LRRTM4: variants seen among roughly 807,000 people sequenced by gnomAD.
LRRTM4 encodes leucine rich repeat transmembrane neuronal 4.
In LRRTM4, 25 loss-of-function variants were observed where a neutral mutation model predicts 47.6. That is an observed-to-expected ratio of 0.53 (90% CI 0.38 to 0.73). The LOEUF (loss-of-function observed/expected upper bound fraction) is 0.73. Among genes scored for constraint, LRRTM4 ranks in the 30% least tolerant of loss-of-function variants. The pLI is 0.00. For missense variants in LRRTM4, 638 were observed against 713.4 expected (o/e 0.89, Z 1.20); for synonymous variants, 311 against 269.5 (o/e 1.15, Z -1.51).
At chr2:77,332,202 T>G (rs906477660) in intron 3 of LRRTM4, among the ~76,000 whole-genome samples, 1 of 152,100 alleles carries the variant, frequency 6.6e-6, no homozygotes, top group Non-Finnish European at 1.5e-5. Context: ...CAACTTTTTT[T>G]AGGTTTACTT....
chr2:76,878,505 T>C (rs1255536895), intron 3 of LRRTM4, among the ~76,000 whole-genome samples: 1 of 147,486 alleles, frequency 6.8e-6, no homozygotes, highest in Non-Finnish European at 1.5e-5. Context: ...CAGTTGCAAA[T>C]GGAAAAAAAA....
intron 3 of LRRTM4, among the ~76,000 whole-genome samples, chr2:76,943,420 G>A (rs1008251450): frequency 6.6e-6 from 1 of 152,116 alleles, no homozygotes; most frequent in East Asian, 1.9e-4. Flanking sequence ...TGGCAACAAA[G>A]CAAAACTCCG....
chr2:77,095,808 T>A (rs911561584), intron 3 of LRRTM4, among the ~76,000 whole-genome samples: 1 of 152,156 alleles, frequency 6.6e-6, no homozygotes, highest in Non-Finnish European at 1.5e-5. Flanking sequence ...CCACTGTGCC[T>A]GGCCTCTATA....
At chr2:77,027,061 T>A (rs1192129266) in intron 3 of LRRTM4, among the ~76,000 whole-genome samples, 4 of 152,068 alleles carry the variant, frequency 2.6e-5, no homozygotes, top group Non-Finnish European at 5.9e-5. Context: ...CCCACTGAGA[T>A]TACAATAATC....
chr2:77,094,187 CA>C (rs1244245053), intron 3 of LRRTM4, among the ~76,000 whole-genome samples: 1 of 151,804 alleles, frequency 6.6e-6, no homozygotes, highest in Non-Finnish European at 1.5e-5. Context: ...TGTATAATAG[CA>C]ACACAAAATA....
chr2:77,189,125 T>C (rs923100505), intron 3 of LRRTM4, among the ~76,000 whole-genome samples: 39 of 152,152 alleles, frequency 2.6e-4, no homozygotes, highest in African/African-American at 8.4e-4. Context: ...AAAAAACTTT[T>C]GATCAAATGA....
At chr2:76,884,744 G>A (rs1435379918) in intron 3 of LRRTM4, among the ~76,000 whole-genome samples, 3 of 152,094 alleles carry the variant, frequency 2.0e-5, no homozygotes, top group Non-Finnish European at 2.9e-5. Flanking sequence ...CTTTTAAAAT[G>A]TTGAGAATTC....
At position 77,431,104 on chromosome 2, in the gene LRRTM4, G is replaced by A. The variant is rs758939456; in HGVS notation, c.1551+87214C>T. Among the ~76,000 whole-genome samples the A allele has an allele frequency of 1.1e-4, 16 of 148,640 alleles. 2 individuals are homozygous for A. Among genetic ancestry groups the A allele is most frequent in the African/African-American group, 1.6e-4 (6 of 38,144 alleles). The stretch of plus-strand genomic sequence containing the variant: ...GCAACATTGGTTTCCCCGGTTCTTC[G>A]ACTCCAAGACAGCTGTAGTGAGACT... On this transcript the variant is annotated intron_variant, in intron 3 of 3. Coordinates refer to ENST00000409884, the MANE Select transcript of LRRTM4 (RefSeq NM_001134745.3).
At chr2:77,160,233 G>C (rs1672675267) in intron 3 of LRRTM4, among the ~76,000 whole-genome samples, 1 of 152,112 alleles carries the variant, frequency 6.6e-6, no homozygotes, top group South Asian at 2.1e-4. Context: ...TGGCTTGATG[G>C]CTTTCACAGA....
intron 3 of LRRTM4, among the ~76,000 whole-genome samples, chr2:77,089,091 C>A (rs1680832982): frequency 6.6e-6 from 1 of 152,078 alleles, no homozygotes; most frequent in African/African-American, 2.4e-5. Context: ...GGTGTCAGAC[C>A]ACACAAGGAC....
intron 3 of LRRTM4, among the ~76,000 whole-genome samples, chr2:77,120,910 C>A (rs1251958803): frequency 6.6e-6 from 1 of 151,718 alleles, no homozygotes; most frequent in African/African-American, 2.4e-5. Flanking sequence ...TGGCTTTATA[C>A]AGCAGTCTAC....
At chr2:77,370,729 A>G (rs1672627006) in intron 3 of LRRTM4, among the ~76,000 whole-genome samples, 2 of 151,756 alleles carry the variant, frequency 1.3e-5, no homozygotes, top group Admixed American at 6.6e-5. Flanking sequence ...ATTTCTATAA[A>G]CTAAACTGTC....
intron 3 of LRRTM4, among the ~76,000 whole-genome samples, chr2:76,775,850 G>A (rs1387775176): frequency 2.0e-5 from 3 of 151,976 alleles, no homozygotes; most frequent in African/African-American, 7.3e-5. Flanking sequence ...CTGGTGCGCT[G>A]CACCCACTAA....
At chr2:76,807,272 G>C (rs1421669188) in intron 3 of LRRTM4, among the ~76,000 whole-genome samples, 2 of 151,462 alleles carry the variant, frequency 1.3e-5, no homozygotes, top group Non-Finnish European at 2.9e-5. Flanking sequence ...TAAGTGAATT[G>C]TGGTATGCCC....
chr2:77,058,573 C>T (rs1679684326), intron 3 of LRRTM4, among the ~76,000 whole-genome samples: 1 of 151,624 alleles, frequency 6.6e-6, no homozygotes, highest in Admixed American at 6.6e-5. Context: ...TCCTCTGTCC[C>T]CTTAATACAA....
chr2:76,910,854 T>C (rs956359174), intron 3 of LRRTM4, among the ~76,000 whole-genome samples: 7 of 152,210 alleles, frequency 4.6e-5, no homozygotes, highest in African/African-American at 1.7e-4. Flanking sequence ...AGCCTATCTG[T>C]CTTTTCTGAC....
At chr2:76,815,494 C>A (rs872175) in intron 3 of LRRTM4, among the ~76,000 whole-genome samples, 1 of 151,780 alleles carries the variant, frequency 6.6e-6, no homozygotes, top group Non-Finnish European at 1.5e-5. Context: ...TATCTATCAA[C>A]TGGAATGACT....
chr2:77,150,035 T>TGAA (rs1454043079), intron 3 of LRRTM4, among the ~76,000 whole-genome samples: 1 of 152,148 alleles, frequency 6.6e-6, no homozygotes, highest in Non-Finnish European at 1.5e-5. Context: ...CTACTGTTTC[T>TGAA]AGCTGACTCT....
chr2:77,241,456 G>A (rs964543239), intron 3 of LRRTM4, among the ~76,000 whole-genome samples: 10 of 151,838 alleles, frequency 6.6e-5, no homozygotes, highest in Non-Finnish European at 1.3e-4. Flanking sequence ...TCATAACAAG[G>A]GGGTAAAAAT....
Sources: gnomAD v4.1 joint callset for allele counts (sites outside exome capture counted in the v4.1 genomes callset) on GRCh38, gnomAD v4.1.1 for gene constraint, MANE v1.5 for transcripts, NCBI Gene and HGNC (gene_info 2026-07-23, HGNC 2026-07-21) for gene names.